TRPV3: variants seen among roughly 807,000 people sequenced by gnomAD.
TRPV3 encodes transient receptor potential cation channel subfamily V member 3.
In TRPV3, 88 loss-of-function variants were observed where a neutral mutation model predicts 87.1. The ratio of observed to expected loss-of-function variants is 1.01; its 90% CI spans 0.85 to 1.21. The LOEUF is 1.21. Ranked by LOEUF, TRPV3 falls within the 50% of genes most tolerant of loss-of-function variation. The pLI is 0.00. For synonymous variants in TRPV3, 438 were observed against 423.3 expected, an observed-to-expected ratio of 1.03 and a Z score of -0.43; for missense variants, 1,054 against 1,030.1, an observed-to-expected ratio of 1.02 and a Z score of -0.32.
chr17:3,548,063 A>T (rs960163725), intron 2 of TRPV3, among the ~76,000 whole-genome samples: 3 of 152,178 alleles, frequency 2.0e-5, no homozygotes, highest in Non-Finnish European at 4.4e-5. Flanking sequence ...GGACAACTGC[A>T]GCCTCTGTGG....
At chr17:3,555,901 G>C (rs1279433989) in intron 1 of TRPV3, among the ~76,000 whole-genome samples, 1 of 152,190 alleles carries the variant, frequency 6.6e-6, no homozygotes, top group Non-Finnish European at 1.5e-5. Context: ...CTTCAGGCAG[G>C]CACAGTGGCT....
rs2074324141 is a variant in TRPV3 at position 3,528,893 on chromosome 17, A to G, written c.1345T>C (p.Phe449Leu). 6.2e-7 allele frequency: 1 copy of G among 1,614,214 alleles called. No homozygotes were observed. Among genetic ancestry groups the G allele is most frequent in the Admixed American group, 1.7e-5 (1 of 60,026 alleles). The change falls in exon 10 of 18, where the codon TTC becomes CTC. Residue 449 changes from phenylalanine (F) to leucine (L), a missense_variant. Physicochemically the swap from Phe to Leu is conservative, Grantham distance 22 (BLOSUM62 0). Coordinates refer to ENST00000576742, the MANE Select transcript of TRPV3 (RefSeq NM_145068.4). This position sits in a 1 kb window ranked among gnomAD's most constrained non-coding sequence, Gnocchi z 4.2. Reference protein sequence around the residue: ...HMFFLSFCFYFFYNITLTLVS... With the variant: ...HMFFLSFCFYLFYNITLTLVS... Reference sequence around the variant, plus strand: ...AGGGTCAGGGTGATGTTGTAGAAGAAATAAAAGCAGAAGGACAGAAAGAAC... The same window carrying G: ...AGGGTCAGGGTGATGTTGTAGAAGAGATAAAAGCAGAAGGACAGAAAGAAC...
At chr17:3,526,776 AGAG>A in intron 12 of TRPV3, 75 bp downstream of exon 12, 9 of 1,162,706 alleles carry the variant, frequency 7.7e-6, no homozygotes, top group Non-Finnish European at 1.1e-5. Context: ...TATTTGTTCA[AGAG>A]GCGGACACGG....
chr17:3,535,330 C>T (rs906047927), intron 7 of TRPV3, among the ~76,000 whole-genome samples: 1 of 127,910 alleles, frequency 7.8e-6, no homozygotes, highest in Non-Finnish European at 1.7e-5. Context: ...CTCCTCCCTT[C>T]CTTCCTCTCC....
At position 3,545,264 on chromosome 17, in the gene TRPV3, A is replaced by C. The variant is rs760972699; in HGVS notation, c.127T>G (p.Phe43Val). 6.2e-7 allele frequency: 1 copy of C among 1,613,114 alleles called. No individual in the cohort carries two copies. Among genetic ancestry groups the C allele is most frequent in the Non-Finnish European group, 8.5e-7 (1 of 1,179,220 alleles). ...TCAAACCCTTCTATCTCCAGGAAGA[A>C]GTGTGCACTGAGGGAACACGGAGGA... is the stretch of plus-strand genomic sequence containing the variant. ...EITPTKKSAH[F>V]FLEIEGFEPN... The change falls in exon 3 of 18, where the codon TTC (phenylalanine) becomes GTC (valine). Residue 43 changes from phenylalanine (F) to valine (V), a missense_variant. Phe to Val is a conservative substitution (Grantham distance 50). Transcript: ENST00000576742.
chr17:3,553,099 C>T (rs938743580), intron 2 of TRPV3: 2 of 152,486 alleles, frequency 1.3e-5, no homozygotes, highest in African/African-American at 4.8e-5. Context: ...TCAGATGGCC[C>T]CGCCATCCCT....
chr17:3,543,071 C>T (rs946777815), intron 5 of TRPV3, among the ~76,000 whole-genome samples: 11 of 151,978 alleles, frequency 7.2e-5, no homozygotes, highest in Admixed American at 7.2e-4. Context: ...CCCCGAGACA[C>T]CCAGGGCTCC....
chr17:3,549,701 T>TGGATG (rs1555546450), intron 2 of TRPV3, among the ~76,000 whole-genome samples: 1 of 147,856 alleles, frequency 6.8e-6, no homozygotes, highest in South Asian at 2.2e-4. Context: ...AGTGGATGGA[T>TGGATG]GATGGATGGA....
At chr17:3,541,484 C>T (rs1003166993) in intron 6 of TRPV3, among the ~76,000 whole-genome samples, 1 of 152,164 alleles carries the variant, frequency 6.6e-6, no homozygotes, top group Admixed American at 6.6e-5. Flanking sequence ...GACCGTAAAG[C>T]GCTGTTGACT....
Position 3,554,767 on chromosome 17 carries a change from C to A in TRPV3, c.84G>T (p.Glu28Asp). The A allele has an allele frequency of 6.2e-7, 1 of 1,613,024 alleles. No individual in the cohort carries two copies. Among genetic ancestry groups the A allele is most frequent in the South Asian group, 1.1e-5 (1 of 90,792 alleles). The change falls in exon 2 of 18, where the codon GAG (glutamate) becomes GAT (aspartate). Residue 28 changes from glutamate (E) to aspartate (D), a missense_variant. Coordinates refer to ENST00000576742, the MANE Select transcript of TRPV3 (RefSeq NM_145068.4). ...TGGGGGTGATCTCCGCCGGCCTCTT[C>A]TCTGGCAGGATGGCAGGGTTCCCAC... ...APSGNPAILP[E>D]KRPAEITPTK...
intron 6 of TRPV3, among the ~76,000 whole-genome samples, chr17:3,536,127 C>G (rs893515822): frequency 1.3e-5 from 2 of 152,164 alleles, no homozygotes; most frequent in African/African-American, 4.8e-5. Flanking sequence ...AGAAGTTTAG[C>G]GAGGCGGTGT....
At position 3,556,719 on chromosome 17, in the gene TRPV3, T is replaced by C. The variant is rs553139883; in HGVS notation, c.-3+957A>G. Among the ~76,000 whole-genome samples, 37 of 152,220 alleles carry C rather than the reference T, an allele frequency of 2.4e-4. No homozygotes were observed. The highest frequency in any genetic ancestry group is 8.4e-4 in the African/African-American group (35 of 41,548). ...GAGGGAGAGCTTTGGCCCTGGAGCG[T>C]AGGCAACCTTGAGGCCAGGCAGGTG... On this transcript the variant is annotated intron_variant, in intron 1 of 17. Transcript: ENST00000576742. This position sits in a 1 kb window ranked among gnomAD's most constrained non-coding sequence, Gnocchi z 4.2.
intron 12 of TRPV3, among the ~76,000 whole-genome samples, chr17:3,525,262 C>T (rs1415570883): frequency 7.2e-5 from 11 of 152,316 alleles, no homozygotes; most frequent in South Asian, 2.1e-4. Flanking sequence ...TCAGGTGATC[C>T]ACCCACCTCG....
chr17:3,538,403 G>A (rs1369927936), intron 6 of TRPV3, among the ~76,000 whole-genome samples: 3 of 143,360 alleles, frequency 2.1e-5, no homozygotes, highest in East Asian at 4.1e-4. Context: ...AACCTAAAGA[G>A]TTAACCCTTT....
intron 1 of TRPV3, among the ~76,000 whole-genome samples, chr17:3,555,089 G>A (rs1156809639): frequency 6.6e-6 from 1 of 152,104 alleles, no homozygotes; most frequent in Non-Finnish European, 1.5e-5. Flanking sequence ...AGCCCAGCAG[G>A]GTGTCCCAGT....
chr17:3,514,110 C>T, intron 17 of TRPV3, 99 bp from the exon 18 acceptor site: 1 of 1,030,032 alleles, frequency 9.7e-7, no homozygotes, highest in East Asian at 2.7e-5. Context: ...TGGAGTTTCC[C>T]TCTTGTCACC....
intron 8 of TRPV3, among the ~76,000 whole-genome samples, chr17:3,531,612 C>T (rs2074350078): frequency 6.6e-6 from 1 of 152,182 alleles, no homozygotes; most frequent in African/African-American, 2.4e-5. Context: ...GAAGCCTCCT[C>T]CCTGGGCTGG....
Position 3,557,319 on chromosome 17 carries a change from C to T in TRPV3, c.-3+357G>A, listed in dbSNP as rs1567648749. Reference sequence around the variant, plus strand: ...CTCCTCCCATCCTGAACTCCCATCACAATCCTGCCCCAGAAAGCCACCTCC... The same window carrying T: ...CTCCTCCCATCCTGAACTCCCATCATAATCCTGCCCCAGAAAGCCACCTCC... On this transcript the variant is annotated intron_variant, in intron 1 of 17. Transcript: ENST00000576742. The surrounding 1 kb of genome is among the most constrained non-coding windows in gnomAD (Gnocchi z 4.5). 6.6e-6 allele frequency among the ~76,000 whole-genome samples: 1 copy of T among 152,184 alleles called. No homozygotes were observed. Among genetic ancestry groups the T allele is most frequent in the Non-Finnish European group, 1.5e-5 (1 of 68,018 alleles).
chr17:3,549,352 G>C (rs2074552363), intron 2 of TRPV3, among the ~76,000 whole-genome samples: 1 of 152,224 alleles, frequency 6.6e-6, no homozygotes, highest in African/African-American at 2.4e-5. Flanking sequence ...CAGAGCTGCT[G>C]TTCCAGTGAG....
Sources: gnomAD v4.1 joint callset for allele counts (sites outside exome capture counted in the v4.1 genomes callset) on GRCh38, gnomAD v4.1.1 for gene constraint, Gnocchi (gnomAD v3.1) non-coding constraint, MANE v1.5 for transcripts, NCBI Gene and HGNC (gene_info 2026-07-23, HGNC 2026-07-21) for gene names.